The following CPQ variants were observed in gnomAD, a reference collection of about 807,000 sequenced individuals.
The protein encoded by CPQ is carboxypeptidase Q.
A neutral mutation model predicts 45.7 loss-of-function variants in CPQ; 37 were observed. The ratio of observed to expected loss-of-function variants is 0.81; its 90% confidence interval spans 0.62 to 1.07. CPQ has a LOEUF of 1.07. Among genes scored for constraint, CPQ ranks in the 50% least tolerant of loss-of-function variants. The probability of loss-of-function intolerance (pLI) is 0.00; values close to 1 mark genes in which losing one functional copy is unlikely to be tolerated. For missense variants in CPQ, 537 were observed against 572.9 expected (o/e 0.94, Z 0.64); for synonymous variants, 186 against 205.8 (o/e 0.90, Z 0.82).
chr8:96,966,051 A>G lies in CPQ; in HGVS notation c.961+5A>G, dbSNP rs748078486. 1 of 1,597,876 alleles carries G rather than the reference A, an allele frequency of 6.3e-7. No individual in the cohort carries two copies. The highest frequency in any genetic ancestry group is 8.6e-7 in the Non-Finnish European group (1 of 1,167,564). On this transcript the variant is annotated splice_donor_5th_base_variant and intron_variant, in intron 5 of 7. Transcript: ENST00000220763. ...TCTCACTTATTAAAGATCTTGGTAA[A>G]TATTTAGAAAATTGTTAACTAATGT...
intron 1 of CPQ, among the ~76,000 whole-genome samples, chr8:96,707,555 G>A (rs1809548662): frequency 6.6e-6 from 1 of 151,994 alleles, no homozygotes; most frequent in Admixed American, 6.6e-5. Flanking sequence ...GTGGCCCAGG[G>A]AAGCCGAAAG....
intron 7 of CPQ, among the ~76,000 whole-genome samples, chr8:97,076,827 T>G (rs560132344): frequency 1.4e-3 from 206 of 152,268 alleles, no homozygotes; most frequent in Admixed American, 3.7e-3. Flanking sequence ...AGTTGACCCT[T>G]GAACAACAGG....
intron 5 of CPQ, among the ~76,000 whole-genome samples, chr8:96,985,633 C>T (rs1410983280): frequency 6.6e-6 from 1 of 152,108 alleles, no homozygotes; most frequent in Non-Finnish European, 1.5e-5. Context: ...GTGAGGAGAA[C>T]TATGAAAAGC....
intron 4 of CPQ, among the ~76,000 whole-genome samples, chr8:96,937,621 G>C (rs1361498889): frequency 6.6e-6 from 1 of 152,160 alleles, no homozygotes; most frequent in African/African-American, 2.4e-5. Context: ...ACACAGCTCA[G>C]CCTGCACAGG....
At chr8:97,087,298 G>A (rs1354277146) in intron 7 of CPQ, among the ~76,000 whole-genome samples, 1 of 152,146 alleles carries the variant, frequency 6.6e-6, no homozygotes, top group Non-Finnish European at 1.5e-5. Flanking sequence ...ACGCGGGACA[G>A]AAGGAATGGC....
intron 5 of CPQ, among the ~76,000 whole-genome samples, chr8:96,994,072 T>C (rs1365783696): frequency 1.3e-5 from 2 of 152,080 alleles, no homozygotes; most frequent in African/African-American, 2.4e-5. Flanking sequence ...TGGAGCTATA[T>C]GTTGAAATAG....
At chr8:96,886,096 A>G (rs575801176) in intron 4 of CPQ, among the ~76,000 whole-genome samples, 21 of 152,328 alleles carry the variant, frequency 1.4e-4, no homozygotes, top group Middle Eastern at 3.4e-3. Context: ...ATGGTGGCAC[A>G]TTCTGGCTCC....
At chr8:96,834,735 A>G (rs1586419594) in intron 2 of CPQ, among the ~76,000 whole-genome samples, 1 of 152,322 alleles carries the variant, frequency 6.6e-6, no homozygotes, top group East Asian at 1.9e-4. Flanking sequence ...CCAGCTGGTC[A>G]AGTGAGTTGA....
intron 5 of CPQ, among the ~76,000 whole-genome samples, chr8:96,998,591 C>T (rs563517541): frequency 1.3e-5 from 2 of 151,968 alleles, no homozygotes; most frequent in East Asian, 1.9e-4. Context: ...AAGGACAAAT[C>T]ATGCCAAGCA....
intron 1 of CPQ, among the ~76,000 whole-genome samples, chr8:96,646,335 C>T (rs1443488840): frequency 2.0e-5 from 3 of 152,058 alleles, no homozygotes; most frequent in Non-Finnish European, 2.9e-5. Context: ...CTACTTTGGA[C>T]GTTTAAAGAA....
At chr8:96,757,628 AT>A (rs1810344544) in intron 1 of CPQ, among the ~76,000 whole-genome samples, 1 of 151,460 alleles carries the variant, frequency 6.6e-6, no homozygotes, top group Admixed American at 6.6e-5. Context: ...TTAGCCAATT[AT>A]TTTTTTCAGC....
rs1477808845 is a variant in CPQ at position 97,140,380 on chromosome 8, GA to G, written c.1256-2636del. ...TCCCAGAATGTATAAAAAAAAGAAG[GA>G]AAACCATGTTATGCATCAGATACAT... On this transcript the variant is annotated intron_variant, in intron 7 of 7. Coordinates refer to ENST00000220763, the MANE Select transcript of CPQ (RefSeq NM_016134.4). Among the ~76,000 whole-genome samples, 8 of 151,762 alleles carry G rather than the reference GA, an allele frequency of 5.3e-5. No individual in the cohort carries two copies. In the East Asian group the frequency reaches 7.7e-4, roughly 15 times the overall value.
intron 3 of CPQ, among the ~76,000 whole-genome samples, chr8:96,861,213 G>GCGCT (rs1811922636): frequency 6.6e-6 from 1 of 152,064 alleles, no homozygotes; most frequent in African/African-American, 2.4e-5. Context: ...TAGAATATAA[G>GCGCT]AAATAGAAAC....
At chr8:96,898,776 TAA>T (rs11390361) in intron 4 of CPQ, among the ~76,000 whole-genome samples, 5,824 of 137,604 alleles carry the variant, frequency 0.042, 257 homozygotes, top group African/African-American at 0.12. Flanking sequence ...TAGGGTATAA[TAA>T]AAAAAAAAAA....
chr8:97,013,504 A>T (rs1809527185), intron 5 of CPQ, among the ~76,000 whole-genome samples: 1 of 152,196 alleles, frequency 6.6e-6, no homozygotes, highest in South Asian at 2.1e-4. Flanking sequence ...TAACTGCCAA[A>T]TGGTTAGAAC....
At chr8:96,649,368 A>T (rs1210078663) in intron 1 of CPQ, among the ~76,000 whole-genome samples, 1 of 152,160 alleles carries the variant, frequency 6.6e-6, no homozygotes, top group Non-Finnish European at 1.5e-5. Flanking sequence ...GTTTCAGAAG[A>T]ATTGGGGAAG....
chr8:96,901,038 G>T (rs542660430), intron 4 of CPQ, among the ~76,000 whole-genome samples: 1 of 152,040 alleles, frequency 6.6e-6, no homozygotes, highest in African/African-American at 2.4e-5. Context: ...TTCCTTGAGC[G>T]CAGGACTCTT....
intron 2 of CPQ, among the ~76,000 whole-genome samples, chr8:96,821,186 G>A (rs1295905964): frequency 9.9e-6 from 1 of 101,478 alleles, no homozygotes; most frequent in East Asian, 3.3e-4. Context: ...ATATGTTCTG[G>A]TTATTAATCC....
At chr8:96,895,993 G>A (rs1812437045) in intron 4 of CPQ, among the ~76,000 whole-genome samples, 1 of 152,032 alleles carries the variant, frequency 6.6e-6, no homozygotes, top group Admixed American at 6.6e-5. Context: ...GTTTATATCA[G>A]AAGGGTTTTG....
Sources: allele counts gnomAD v4.1 joint callset (sites outside exome capture counted in the v4.1 genomes callset), GRCh38; gene constraint gnomAD v4.1.1; transcripts MANE v1.5; gene names NCBI Gene and HGNC (gene_info 2026-07-23, HGNC 2026-07-21).